The following AUTS2 variants were observed in gnomAD, a reference collection of about 807,000 sequenced individuals.
The protein encoded by AUTS2 is autism susceptibility gene 2 protein.
Under a neutral mutation model 112.4 loss-of-function variants are expected in AUTS2, and 17 were observed. The ratio of observed to expected loss-of-function variants is 0.15; its 90% confidence interval spans 0.10 to 0.23. The LOEUF is 0.23. AUTS2 is among the 10% of genes least tolerant of loss of function. The pLI is 1.00. For missense variants in AUTS2, 1,510 were observed against 1,701.6 expected (o/e 0.89, Z 1.98); for synonymous variants, 751 against 702.7 (o/e 1.07, Z -1.09).
chr7:70,580,277 G>T (rs1024431029), intron 5 of AUTS2, among the ~76,000 whole-genome samples: 3 of 152,192 alleles, frequency 2.0e-5, no homozygotes, highest in African/African-American at 7.2e-5. Flanking sequence ...TGTGCCCTGC[G>T]CTGTAGCGTG....
intron 6 of AUTS2, among the ~76,000 whole-genome samples, chr7:70,751,693 G>A (rs1788864063): frequency 6.6e-6 from 1 of 152,094 alleles, no homozygotes; most frequent in Admixed American, 6.5e-5. Context: ...CTGTGTCACA[G>A]ACACAGAAGT....
chr7:70,105,598 C>A (rs542670887), intron 2 of AUTS2, among the ~76,000 whole-genome samples: 1 of 152,100 alleles, frequency 6.6e-6, no homozygotes, highest in Non-Finnish European at 1.5e-5. Context: ...TGCTGTCTTT[C>A]TTGATTACAT....
chr7:70,373,467 C>G (rs66668176), intron 4 of AUTS2, among the ~76,000 whole-genome samples: 13,546 of 152,068 alleles, frequency 0.089, 926 homozygotes, highest in African/African-American at 0.19. Context: ...TGGTTTTAAT[C>G]ATTCCTCCTA....
intron 5 of AUTS2, among the ~76,000 whole-genome samples, chr7:70,476,333 C>T (rs777732343): frequency 1.3e-5 from 2 of 152,102 alleles, no homozygotes; most frequent in Non-Finnish European, 2.9e-5. Flanking sequence ...TGGCTCAGAG[C>T]TTCTCCTCTT....
At chr7:70,294,849 C>T (rs908526013) in intron 4 of AUTS2, among the ~76,000 whole-genome samples, 2 of 152,166 alleles carry the variant, frequency 1.3e-5, no homozygotes, top group Non-Finnish European at 2.9e-5. Flanking sequence ...AGCCTGGAGT[C>T]GTTTTGTTTG....
At chr7:69,926,539 T>G (rs1276260899) in intron 2 of AUTS2, among the ~76,000 whole-genome samples, 1 of 152,008 alleles carries the variant, frequency 6.6e-6, no homozygotes, top group East Asian at 1.9e-4. Flanking sequence ...TATCTCACTT[T>G]ATTATCTCTT....
intron 2 of AUTS2, among the ~76,000 whole-genome samples, chr7:69,999,224 TTTC>T (rs1048380264): frequency 2.0e-5 from 3 of 152,118 alleles, no homozygotes; most frequent in African/African-American, 7.2e-5. Context: ...GTCCTATAAT[TTTC>T]TTATCAGGAG....
chr7:69,865,675 C>T (rs1747339097), intron 1 of AUTS2, among the ~76,000 whole-genome samples: 1 of 152,282 alleles, frequency 6.6e-6, no homozygotes, highest in South Asian at 2.1e-4. Flanking sequence ...CTCTTTCATT[C>T]TCATTTCCTT....
intron 1 of AUTS2, among the ~76,000 whole-genome samples, chr7:69,689,749 C>G (rs1267046510): frequency 6.6e-6 from 1 of 151,408 alleles, no homozygotes; most frequent in Non-Finnish European, 1.5e-5. Context: ...ATGATCTTGA[C>G]TCACTGCAAC....
At chr7:70,137,153 G>A (rs186760693) in intron 4 of AUTS2, among the ~76,000 whole-genome samples, 19 of 152,270 alleles carry the variant, frequency 1.2e-4, no homozygotes, top group Non-Finnish European at 1.8e-4. Flanking sequence ...TTTCCAATCC[G>A]TTTAGAAGCA....
intron 4 of AUTS2, among the ~76,000 whole-genome samples, chr7:70,404,910 G>A (rs954234058): frequency 1.1e-4 from 17 of 151,780 alleles, no homozygotes; most frequent in Non-Finnish European, 1.5e-4. Context: ...CATTGGCATC[G>A]TTAGAAACCG....
chr7:70,203,145 G>T (rs1365961308), intron 4 of AUTS2, among the ~76,000 whole-genome samples: 1 of 133,578 alleles, frequency 7.5e-6, no homozygotes, highest in Non-Finnish European at 1.6e-5. Context: ...ATTGAACAAT[G>T]AGATCACATG....
chr7:70,327,435 TGAG>T, intron 4 of AUTS2, among the ~76,000 whole-genome samples: 1 of 152,274 alleles, frequency 6.6e-6, no homozygotes, highest in South Asian at 2.1e-4. Flanking sequence ...GAAAAAGAAA[TGAG>T]GAATGTTCTT....
chr7:69,959,429 T>C (rs1332539329), intron 2 of AUTS2, among the ~76,000 whole-genome samples: 2 of 152,190 alleles, frequency 1.3e-5, no homozygotes, highest in Admixed American at 6.5e-5. Flanking sequence ...CTAAGTAATA[T>C]GTGATCTGGA....
At chr7:70,266,041 C>T (rs1304349457) in intron 4 of AUTS2, among the ~76,000 whole-genome samples, 1 of 152,180 alleles carries the variant, frequency 6.6e-6, no homozygotes, top group East Asian at 1.9e-4. Flanking sequence ...CATTCTACTC[C>T]TAGCTATATA....
chr7:69,635,826 T>C (rs1299790326), intron 1 of AUTS2, among the ~76,000 whole-genome samples: 1 of 152,260 alleles, frequency 6.6e-6, no homozygotes, highest in Non-Finnish European at 1.5e-5. Flanking sequence ...CATTTCTCTA[T>C]TGCTTACCTT....
intron 1 of AUTS2, 91 bp downstream of exon 1, chr7:69,600,053 G>A (rs2129067735): frequency 3.2e-6 from 4 of 1,259,618 alleles, no homozygotes; most frequent in African/African-American, 3.1e-5. Flanking sequence ...CGCGCTCCGG[G>A]CTGTCTGTCT....
At chr7:70,438,268 A>G (rs1795977891) in intron 5 of AUTS2, among the ~76,000 whole-genome samples, 1 of 152,114 alleles carries the variant, frequency 6.6e-6, no homozygotes, top group Non-Finnish European at 1.5e-5. Flanking sequence ...GCTCCCACCT[A>G]CCACTCTGAG....
chr7:70,625,689 A>G (rs1157699331), intron 5 of AUTS2, among the ~76,000 whole-genome samples: 1 of 152,140 alleles, frequency 6.6e-6, no homozygotes, highest in Non-Finnish European at 1.5e-5. Context: ...CCTCTATACA[A>G]ACATGTAACA....
Sources: gnomAD v4.1 joint callset for allele counts (sites outside exome capture counted in the v4.1 genomes callset) on GRCh38, gnomAD v4.1.1 for gene constraint, MANE v1.5 for transcripts, NCBI Gene and HGNC (gene_info 2026-07-23, HGNC 2026-07-21) for gene names.